RREB1: variants seen among roughly 807,000 people sequenced by gnomAD.
The protein encoded by RREB1 is ras responsive element binding protein 1.
In RREB1, 27 loss-of-function variants were observed where a neutral mutation model predicts 117.8. The observed-to-expected ratio is 0.23, with a 90% confidence interval of 0.17 to 0.32. The LOEUF is 0.32. Ranked by LOEUF, RREB1 falls within the 10% of genes least tolerant of loss-of-function variation. The probability of loss-of-function intolerance (pLI) is 1.00; values close to 1 mark genes in which losing one functional copy is unlikely to be tolerated. For synonymous variants in RREB1, 1,298 were observed against 1,026.7 expected (o/e 1.26, Z -5.05); for missense variants, 2,577 against 2,378.2 (o/e 1.08, Z -1.74).
At chr6:7,196,218 G>GTTTT (rs58448175) in intron 6 of RREB1, among the ~76,000 whole-genome samples, 2 of 121,470 alleles carry the variant, frequency 1.6e-5, no homozygotes, top group African/African-American at 3.2e-5. Flanking sequence ...TTTTTTTTTC[G>GTTTT]TTTTTTTTTT....
intron 6 of RREB1, among the ~76,000 whole-genome samples, chr6:7,210,060 A>G (rs936321901): frequency 1.3e-5 from 2 of 152,272 alleles, no homozygotes; most frequent in Non-Finnish European, 2.9e-5. Context: ...TGTTTGTTTT[A>G]GAACTCAATA....
intron 8 of RREB1, among the ~76,000 whole-genome samples, chr6:7,222,060 A>T (rs1767292940): frequency 6.6e-6 from 1 of 152,196 alleles, no homozygotes; most frequent in Non-Finnish European, 1.5e-5. Flanking sequence ...GAAGGAAAGG[A>T]ACAGGAGAGA....
chr6:7,236,218 C>T (rs905541744), intron 10 of RREB1, among the ~76,000 whole-genome samples: 1 of 152,218 alleles, frequency 6.6e-6, no homozygotes, highest in South Asian at 2.1e-4. Flanking sequence ...CCTCTGTCCT[C>T]ATTTTCTTCC....
At chr6:7,192,840 A>G (rs937392797) in intron 6 of RREB1, among the ~76,000 whole-genome samples, 1 of 152,090 alleles carries the variant, frequency 6.6e-6, no homozygotes, top group Non-Finnish European at 1.5e-5. Context: ...CTTTAGGTTT[A>G]GTTTGACCTT....
chr6:7,134,715 A>G (rs963230208), intron 1 of RREB1, among the ~76,000 whole-genome samples: 24 of 152,212 alleles, frequency 1.6e-4, no homozygotes, highest in African/African-American at 5.8e-4. Context: ...TTGATGAGCA[A>G]ATGAATAAGT....
In RREB1 at chr6:7,230,748, G is replaced by A. The variant is rs139120793; in HGVS notation, c.2649G>A (p.Ser883=). ...CCCAGCCTCCACCTCCCCATGTCTCGATCAAGTTGGAGCCCGCCAGTAGCT... is the reference window on the plus strand; with the variant it reads ...CCCAGCCTCCACCTCCCCATGTCTCAATCAAGTTGGAGCCCGCCAGTAGCT... ...GPTQPPPPHV[S]IKLEPASSFA... is the part of the protein sequence containing the mutation. Residue 883 remains serine, a synonymous_variant, in exon 10 of 13, where the codon TCG becomes TCA. Coordinates refer to ENST00000379938, the MANE Select transcript of RREB1 (RefSeq NM_001003699.4). The A allele has an allele frequency of 3.5e-5, 57 of 1,608,602 alleles. 1 individual carries two copies. Among genetic ancestry groups the A allele is most frequent in the African/African-American group, 2.1e-4 (16 of 74,806 alleles).
In RREB1 at chr6:7,230,547, G is replaced by T. The variant is rs747770556; in HGVS notation, c.2448G>T (p.Val816=). The T allele has an allele frequency of 6.3e-7, 1 of 1,598,502 alleles. No individual in the cohort carries two copies. The highest frequency in any genetic ancestry group is 8.5e-7 in the Non-Finnish European group (1 of 1,176,386). Reference sequence around the variant, plus strand: ...ACATCCTCAAGCAGCACCTGCACGTGCCCGAGCAGGACATCGAGAGCTACG... The same window carrying T: ...ACATCCTCAAGCAGCACCTGCACGTTCCCGAGCAGGACATCGAGAGCTACG... ...IHHILKQHLH[V]PEQDIESYVL... The change falls in exon 10 of 13, where the codon GTG becomes GTT. Residue 816 remains valine, a synonymous_variant. Coordinates refer to ENST00000379938, the MANE Select transcript of RREB1 (RefSeq NM_001003699.4).
chr6:7,154,442 A>G (rs1041407553), intron 1 of RREB1, among the ~76,000 whole-genome samples: 5 of 152,244 alleles, frequency 3.3e-5, no homozygotes, highest in African/African-American at 1.2e-4. Context: ...GGGGACGTGA[A>G]GGACTAATAG....
chr6:7,143,774 C>G (rs1762732432), intron 1 of RREB1, among the ~76,000 whole-genome samples: 1 of 151,592 alleles, frequency 6.6e-6, no homozygotes, highest in Admixed American at 6.6e-5. Flanking sequence ...GTTTTGAGCA[C>G]AACTGTTAGA....
chr6:7,246,749 C>CGGCGAGGCAGGCGCCGGG lies in RREB1; in HGVS notation c.4304_4321dup (p.Glu1435_Gly1440dup). On this transcript the variant is annotated inframe_insertion, in exon 12 of 13. Transcript: ENST00000379938. ...TGGACTTCAAGCTGGCGGAGGGCGA[C>CGGCGAGGCAGGCGCCGGG]GGCGAGGCAGGCGCCGGGGGCGCGG... is the stretch of plus-strand genomic sequence containing the variant. The CGGCGAGGCAGGCGCCGGG allele has an allele frequency of 3.2e-6, 5 of 1,570,820 alleles. No homozygotes were observed. The highest frequency in any genetic ancestry group is 4.3e-6 in the Non-Finnish European group (5 of 1,158,808).
chr6:7,220,653 C>T (rs1303983016), intron 8 of RREB1, among the ~76,000 whole-genome samples: 3 of 152,196 alleles, frequency 2.0e-5, no homozygotes, highest in Non-Finnish European at 1.5e-5. Context: ...GCAGCCAATC[C>T]GATTTGTAAA....
At chr6:7,116,997 G>A (rs952095359) in intron 1 of RREB1, among the ~76,000 whole-genome samples, 5 of 152,152 alleles carry the variant, frequency 3.3e-5, no homozygotes, top group African/African-American at 1.2e-4. Flanking sequence ...TTCATTAGTG[G>A]TATGAGTTAA....
At chr6:7,193,807 G>A (rs1013943317) in intron 6 of RREB1, among the ~76,000 whole-genome samples, 4 of 152,152 alleles carry the variant, frequency 2.6e-5, no homozygotes, top group Non-Finnish European at 5.9e-5. Context: ...CATGAAGTAA[G>A]GTGTGGAATT....
rs1761412673 is a variant in RREB1 at position 7,116,664 on chromosome 6, T to G, written c.-285+8604T>G. On this transcript the variant is annotated intron_variant, in intron 1 of 12. Coordinates refer to ENST00000379938, the MANE Select transcript of RREB1 (RefSeq NM_001003699.4). ...TTCAATGAAGGAAATAGACATGAACTAACGATTTCAGCATACCCATCATGC... is the reference window on the plus strand; with the variant it reads ...TTCAATGAAGGAAATAGACATGAACGAACGATTTCAGCATACCCATCATGC... Among the ~76,000 whole-genome samples the G allele has an allele frequency of 3.3e-5, 5 of 152,232 alleles. No homozygotes were observed. In the South Asian group the frequency reaches 1.0e-3, roughly 31 times the overall value.
chr6:7,185,568 TAA>T (rs879728450), intron 4 of RREB1, among the ~76,000 whole-genome samples: 2 of 146,338 alleles, frequency 1.4e-5, no homozygotes, highest in African/African-American at 5.0e-5. Context: ...AGACTCCATT[TAA>T]AAAAAAAAAG....
chr6:7,159,888 T>C (rs917522975), intron 1 of RREB1, among the ~76,000 whole-genome samples: 3 of 152,194 alleles, frequency 2.0e-5, no homozygotes, highest in African/African-American at 7.2e-5. Context: ...GCATTTTACA[T>C]GTGGTTTCAA....
intron 1 of RREB1, among the ~76,000 whole-genome samples, chr6:7,128,524 G>A (rs954423915): frequency 1.3e-5 from 2 of 152,158 alleles, no homozygotes; most frequent in Non-Finnish European, 2.9e-5. Flanking sequence ...TTTAAAGACA[G>A]GAAACTGAGG....
intron 1 of RREB1, among the ~76,000 whole-genome samples, chr6:7,133,760 C>T (rs576277522): frequency 6.6e-6 from 1 of 152,228 alleles, no homozygotes; most frequent in East Asian, 1.9e-4. Context: ...GAAAAAACAT[C>T]TAATGATGCA....
intron 6 of RREB1, among the ~76,000 whole-genome samples, chr6:7,209,249 T>A (rs912520194): frequency 1.3e-5 from 2 of 152,142 alleles, no homozygotes; most frequent in Non-Finnish European, 2.9e-5. Context: ...GAAAAGGGCG[T>A]GGATTTTGTT....
Sources: gnomAD v4.1 joint callset for allele counts (sites outside exome capture counted in the v4.1 genomes callset) on GRCh38, gnomAD v4.1.1 for gene constraint, MANE v1.5 for transcripts, NCBI Gene and HGNC (gene_info 2026-07-23, HGNC 2026-07-21) for gene names.